The following TASOR variants were observed in gnomAD, a reference collection of about 807,000 sequenced individuals.
TASOR encodes transcription activation suppressor, also known as protein TASOR.
Under a neutral mutation model 178.6 loss-of-function variants are expected in TASOR, and 53 were observed. The observed-to-expected ratio is 0.30, with a 90% CI of 0.24 to 0.37. The LOEUF (loss-of-function observed/expected upper bound fraction) is 0.37, where lower values mean the gene tolerates loss of function less well. Ranked by LOEUF, TASOR falls within the 10% of genes least tolerant of loss-of-function variation. The probability of loss-of-function intolerance (pLI) is 1.00; values close to 1 mark genes in which losing one functional copy is unlikely to be tolerated. For synonymous variants in TASOR, 713 were observed against 696.2 expected (o/e 1.02, Z -0.38); for missense variants, 1,815 against 1,971.4 (o/e 0.92, Z 1.50).
intron 14 of TASOR, among the ~76,000 whole-genome samples, chr3:56,643,179 G>A (rs35070694): frequency 0.033 from 4,847 of 144,756 alleles, 104 homozygotes; most frequent in Middle Eastern, 0.098. Context: ...TAGGAGAATC[G>A]CTTAACCCAG....
chr3:56,628,167 A>C (rs1017509743), intron 19 of TASOR, among the ~76,000 whole-genome samples: 3 of 152,230 alleles, frequency 2.0e-5, no homozygotes, highest in African/African-American at 7.2e-5. Flanking sequence ...CTGGTCTGGC[A>C]AAGATGGAGC....
At chr3:56,631,260 T>C (rs898341586) in intron 18 of TASOR, among the ~76,000 whole-genome samples, 3 of 152,128 alleles carry the variant, frequency 2.0e-5, no homozygotes, top group Admixed American at 6.5e-5. Context: ...ACACAAAACA[T>C]GCTGACCTCA....
At chr3:56,660,362 C>T (rs2077567116) in intron 11 of TASOR, among the ~76,000 whole-genome samples, 1 of 151,504 alleles carries the variant, frequency 6.6e-6, no homozygotes, top group African/African-American at 2.4e-5. Context: ...TGGTGGTGTG[C>T]ACATGTAATC....
At position 56,621,596 on chromosome 3, in the gene TASOR, A is replaced by T. The variant is rs1227294624; in HGVS notation, c.*1441T>A. 19 of 1,599,188 alleles carry T rather than the reference A, an allele frequency of 1.2e-5. No homozygotes were observed. The highest frequency in any genetic ancestry group is 1.5e-5 in the Non-Finnish European group (18 of 1,173,560). ...CTGCCTTTAGCTGAAAATCAAGAAG[A>T]GAGTTTTGGTTCTTCATTTTAAATG... On this transcript the variant is annotated 3_prime_UTR_variant, in exon 24 of 24. Transcript: ENST00000683822.
rs66937003 is a variant in TASOR, at chr3:56,643,769, CA to C, written c.2216-2018del. Among the ~76,000 whole-genome samples, 145 of 101,762 alleles carry C rather than the reference CA, an allele frequency of 1.4e-3. 3 individuals carry two copies. The East Asian group carries it at 0.029, about 20-fold the overall frequency. The allele number at this position is 101,762 out of a possible 152,430, so 66.8% of individuals were successfully genotyped here. A position where few individuals can be genotyped will look rare whatever the true frequency, so the allele number is the denominator to read the frequency against. On this transcript the variant is annotated intron_variant, in intron 14 of 23. Coordinates refer to ENST00000683822, the MANE Select transcript of TASOR (RefSeq NM_001365635.2). ...GACTCCGTCTCAAAAAAAAAAAAAACAAAAAAAAAAGTTAGAATACAACCTT... is the reference window on the plus strand; with the variant it reads ...GACTCCGTCTCAAAAAAAAAAAAAACAAAAAAAAAGTTAGAATACAACCTT...
intron 11 of TASOR, among the ~76,000 whole-genome samples, chr3:56,656,218 T>C (rs561410273): frequency 2.6e-5 from 4 of 152,340 alleles, no homozygotes; most frequent in South Asian, 4.1e-4. Context: ...TTCACATTGA[T>C]CTGCATTAAA....
Position 56,641,686 on chromosome 3 carries a change from C to G in TASOR, c.2282G>C (p.Cys761Ser). Residue 761 changes from cysteine to serine, a missense_variant, in exon 15 of 24, where the codon TGT (cysteine) becomes TCT (serine). Physicochemically the swap from Cys to Ser is moderately radical, Grantham distance 112 (BLOSUM62 -1). Transcript: ENST00000683822. ...ATGGATGTCAGCAATGCCGGAGTTA[C>G]AGGTATCCTGCTGCTGCCGCCTCAA... The part of the protein sequence containing the change: ...ADLRRQQQDT[C>S]NSGIADIHRL... 6.2e-7 allele frequency: 1 copy of G among 1,614,212 alleles called. No homozygotes were observed. The highest frequency in any genetic ancestry group is 1.7e-5 in the Admixed American group (1 of 60,024).
intron 11 of TASOR, among the ~76,000 whole-genome samples, chr3:56,657,681 A>G (rs1479127971): frequency 6.6e-6 from 1 of 152,184 alleles, no homozygotes; most frequent in African/African-American, 2.4e-5. Flanking sequence ...GACTATGGAG[A>G]TCTCCCTAAG....
In TASOR at chr3:56,682,921, T is replaced by G; in HGVS notation, c.86A>C (p.Gln29Pro). The change falls in exon 1 of 24, where the codon CAG (glutamine) becomes CCG (proline). Residue 29 changes from glutamine (Q) to proline (P), a missense_variant. Coordinates refer to ENST00000683822, the MANE Select transcript of TASOR (RefSeq NM_001365635.2). ...SGGGGDDEMK[Q>P]ALPELESSQQ... ...GGAGGACTCAAGCTCCGGAAGCGCCTGCTTCATCTCGTCGTCTCCGCCGCC... is the reference window on the plus strand; with the variant it reads ...GGAGGACTCAAGCTCCGGAAGCGCCGGCTTCATCTCGTCGTCTCCGCCGCC... The G allele has an allele frequency of 6.5e-7, 1 of 1,539,326 alleles. No homozygotes were observed.
At chr3:56,636,234 C>T (rs1173668905) in intron 17 of TASOR, among the ~76,000 whole-genome samples, 1 of 151,120 alleles carries the variant, frequency 6.6e-6, no homozygotes, top group Non-Finnish European at 1.5e-5. Context: ...GCCAAGATTG[C>T]ACCACTGCAC....
At chr3:56,639,405 G>A (rs1430293821) in intron 16 of TASOR, among the ~76,000 whole-genome samples, 1 of 93,228 alleles carries the variant, frequency 1.1e-5, no homozygotes. Context: ...AAATTAGAAT[G>A]CTACCAAAAA....
At chr3:56,648,727 TAAGA>T (rs756184662) in intron 13 of TASOR, 91 bp downstream of exon 13, 2 of 784,468 alleles carry the variant, frequency 2.5e-6, no homozygotes, top group Non-Finnish European at 4.1e-6. Context: ...AAACATGAGG[TAAGA>T]AAGACAAAAT....
intron 6 of TASOR, among the ~76,000 whole-genome samples, chr3:56,667,953 G>A (rs1578281754): frequency 6.6e-6 from 1 of 152,276 alleles, no homozygotes; most frequent in East Asian, 1.9e-4. Context: ...AATAAAGATA[G>A]AAAATACCTA....
Position 56,670,830 on chromosome 3 carries a change from G to A in TASOR, c.571-685C>T, listed in dbSNP as rs189393480. ...GCGTGTCCTGTAATCCCAGCTACTCGGGAGGCTGAGGCACAAGAATCACTT... is the reference window on the plus strand; with the variant it reads ...GCGTGTCCTGTAATCCCAGCTACTCAGGAGGCTGAGGCACAAGAATCACTT... On this transcript the variant is annotated intron_variant, in intron 3 of 23. Coordinates refer to ENST00000683822, the MANE Select transcript of TASOR (RefSeq NM_001365635.2). 7.8e-4 allele frequency among the ~76,000 whole-genome samples: 117 copies of A among 149,898 alleles called. 1 individual carries two copies. The East Asian group carries it at 0.02, about 26-fold the overall frequency.
chr3:56,652,216 T>C (rs1288514998), intron 11 of TASOR, among the ~76,000 whole-genome samples: 1 of 152,158 alleles, frequency 6.6e-6, no homozygotes, highest in Non-Finnish European at 1.5e-5. Context: ...TGTTCGGGAA[T>C]TAGATAGTGT....
intron 6 of TASOR, 130 bp downstream of exon 6, chr3:56,668,267 T>C: frequency 1.2e-6 from 1 of 810,158 alleles, no homozygotes; most frequent in East Asian, 2.7e-5. Flanking sequence ...CACTGGAGTC[T>C]GGAAGTGATA....
chr3:56,681,088 A>T (rs1387149025), intron 1 of TASOR, among the ~76,000 whole-genome samples: 1 of 83,170 alleles, frequency 1.2e-5, no homozygotes, highest in Non-Finnish European at 2.2e-5. Flanking sequence ...AACAAACAGT[A>T]AAAAAAAAAA....
At chr3:56,625,870 C>A (rs1244059305) in intron 21 of TASOR, among the ~76,000 whole-genome samples, 5 of 152,074 alleles carry the variant, frequency 3.3e-5, no homozygotes, top group Admixed American at 2.0e-4. Context: ...GATCCACCCG[C>A]CTCAGCCTCC....
intron 3 of TASOR, 94 bp from the exon 4 acceptor site, chr3:56,670,239 GCTT>G (rs1283398440): frequency 2.1e-5 from 15 of 706,520 alleles, no homozygotes; most frequent in Middle Eastern, 4.0e-4. Flanking sequence ...TAAAAACAAA[GCTT>G]CTTAACTATG....
Sources: gnomAD v4.1 joint callset for allele counts (sites outside exome capture counted in the v4.1 genomes callset) on GRCh38, gnomAD v4.1.1 for gene constraint, MANE v1.5 for transcripts, NCBI Gene and HGNC (gene_info 2026-07-23, HGNC 2026-07-21) for gene names.